Variants in PPP1R13L observed in about 807,000 individuals in gnomAD.
PPP1R13L encodes protein phosphatase 1 regulatory subunit 13 like.
In PPP1R13L, 50 loss-of-function variants were observed where a neutral mutation model predicts 80.9. That is an observed-to-expected ratio of 0.62 (90% CI 0.49 to 0.78). PPP1R13L has a LOEUF of 0.78. Ranked by LOEUF, PPP1R13L falls within the 30% of genes least tolerant of loss-of-function variation. The probability of loss-of-function intolerance (pLI) is 0.00; values close to 1 mark genes in which losing one functional copy is unlikely to be tolerated. For synonymous variants in PPP1R13L, 602 were observed against 534.3 expected, an observed-to-expected ratio of 1.13 and a Z score of -1.75; for missense variants, 1,200 against 1,205.9, an observed-to-expected ratio of 1.00 and a Z score of 0.07.
At position 45,386,392 on chromosome 19, in the gene PPP1R13L, C is replaced by A. The variant is rs2070830; in HGVS notation, c.1816-212G>T. On this transcript the variant is annotated intron_variant, in intron 8 of 12. Transcript: ENST00000360957. ...ACAGGGAATCCTGTGATTTGAGAAT[C>A]TTGGGCCCTGAAACTTGGGAGAAAG... Among the ~76,000 whole-genome samples, 3,551 of 152,220 alleles carry A rather than the reference C, an allele frequency of 0.023. 239 individuals carry two copies. The East Asian group carries it at 0.25, about 11-fold the overall frequency.
intron 11 of PPP1R13L, among the ~76,000 whole-genome samples, chr19:45,385,075 G>A (rs935576474): frequency 2.6e-5 from 4 of 151,716 alleles, no homozygotes; most frequent in Middle Eastern, 3.4e-3. Context: ...AGCCTACTTC[G>A]CCCTGCCCGT....
At chr19:45,393,678 T>A (rs890184221) in intron 7 of PPP1R13L, among the ~76,000 whole-genome samples, 32 of 151,834 alleles carry the variant, frequency 2.1e-4, no homozygotes, top group African/African-American at 7.3e-4. Context: ...ATCGAGACCA[T>A]CCTGGCTAAC....
At position 45,404,551 on chromosome 19, in the gene PPP1R13L, A is replaced by G. The variant is rs1436520018; in HGVS notation, c.-22+448T>C. Among the ~76,000 whole-genome samples the G allele has an allele frequency of 3.9e-5, 6 of 152,226 alleles. No individual in the cohort carries two copies. In the East Asian group the frequency reaches 9.7e-4, roughly 25 times the overall value. ...CCACTTCAGGAACCCAGGCTCCACT[A>G]TCCCTGCCCCACCCTTAATTCTGCT... is the stretch of plus-strand genomic sequence containing the variant. On this transcript the variant is annotated intron_variant, in intron 1 of 12. Coordinates refer to ENST00000360957, the MANE Select transcript of PPP1R13L (RefSeq NM_006663.4).
chr19:45,396,436 T>C lies in PPP1R13L; in HGVS notation c.713A>G (p.Asp238Gly). ...AGGCCGCCGGCGCAGCGTCAGGTCG[T>C]CTGGGGAGAAGTTTCCAGGGAGGAT... ...SAFAPPLRAQ[D>G]DLTLRRRPPK... Residue 238 changes from aspartate to glycine, a missense_variant and splice_region_variant, in exon 5 of 13, where the codon GAC becomes GGC. Transcript: ENST00000360957. The surrounding 1 kb of genome is among the most constrained non-coding windows in gnomAD (Gnocchi z 5.3). The C allele has an allele frequency of 3.7e-6, 6 of 1,613,958 alleles. No individual in the cohort carries two copies. Among genetic ancestry groups the C allele is most frequent in the Non-Finnish European group, 5.1e-6 (6 of 1,179,954 alleles).
rs772199634 is a variant in PPP1R13L, at chr19:45,386,096, C to T, written c.1900G>A (p.Ala634Thr). The T allele has an allele frequency of 6.3e-7, 1 of 1,578,454 alleles. No homozygotes were observed. Residue 634 changes from alanine (A) to threonine (T), a missense_variant, in exon 9 of 13, where the codon GCG becomes ACG. Ala to Thr is a moderately conservative substitution (Grantham distance 58). This residue lies in a region of PPP1R13L where 214 missense variants were observed against 199.6 expected (regional missense o/e 1.07). Coordinates refer to ENST00000360957, the MANE Select transcript of PPP1R13L (RefSeq NM_006663.4). ...RLNPLVLLLD[A>T]ALTGELEVVQ... Reference sequence around the variant, plus strand: ...ACCTCCAGCTCCCCGGTCAGCGCCGCGTCCAGGAGGAGCACCAGAGGGTTG... The same window carrying T: ...ACCTCCAGCTCCCCGGTCAGCGCCGTGTCCAGGAGGAGCACCAGAGGGTTG...
intron 8 of PPP1R13L, among the ~76,000 whole-genome samples, chr19:45,388,819 C>A (rs1006011572): frequency 3.9e-5 from 6 of 151,920 alleles, no homozygotes; most frequent in Non-Finnish European, 8.8e-5. Context: ...CTCACTGCAG[C>A]CTCTGTCTCC....
At chr19:45,390,254 T>C (rs973312838) in intron 8 of PPP1R13L, among the ~76,000 whole-genome samples, 1 of 152,138 alleles carries the variant, frequency 6.6e-6, no homozygotes, top group Non-Finnish European at 1.5e-5. Context: ...ACTTCTCCTG[T>C]TGTCCTTCCC....
In PPP1R13L at chr19:45,400,986, C is replaced by T. The variant is rs1477832427; in HGVS notation, c.-21-2647G>A. 4.9e-5 allele frequency among the ~76,000 whole-genome samples: 2 copies of T among 40,824 alleles called. 1 individual carries two copies. The allele number at this position is 40,824 out of a possible 152,430, so 26.8% of individuals were successfully genotyped here. A position where few individuals can be genotyped will look rare whatever the true frequency, so the allele number is the denominator to read the frequency against. On this transcript the variant is annotated intron_variant, in intron 1 of 12. Transcript: ENST00000360957. Reference sequence around the variant, plus strand: ...AGAGACGGGGTTTCACCATTTTAGCCGGGATGGTCTCGATCTCCTGACCTC... The same window carrying T: ...AGAGACGGGGTTTCACCATTTTAGCTGGGATGGTCTCGATCTCCTGACCTC...
Position 45,388,212 on chromosome 19 carries a change from T to C in PPP1R13L, c.1816-2032A>G, listed in dbSNP as rs191156844. ...AAAGACTAGAAGGAAATATTCAAAA[T>C]GTTAATGATGGTTCCCTGTGAGTGG... On this transcript the variant is annotated intron_variant, in intron 8 of 12. Transcript: ENST00000360957. 1.2e-3 allele frequency among the ~76,000 whole-genome samples: 175 copies of C among 151,972 alleles called. 1 individual carries two copies. The highest frequency in any genetic ancestry group is 4.2e-3 in the African/African-American group (172 of 41,442).
intron 11 of PPP1R13L, among the ~76,000 whole-genome samples, chr19:45,383,768 C>A (rs537620561): frequency 1.3e-5 from 2 of 151,546 alleles, no homozygotes; most frequent in African/African-American, 4.8e-5. Context: ...CTTTTCTTTT[C>A]TTTTCTTTTT....
intron 7 of PPP1R13L, chr19:45,394,518 C>T (rs1973041153): frequency 6.6e-6 from 1 of 152,078 alleles, no homozygotes; most frequent in Admixed American, 6.6e-5. Flanking sequence ...GAGTCTCACC[C>T]TGTCACCTGT....
Position 45,392,137 on chromosome 19 carries a change from G to GCCCC in PPP1R13L, c.1557_1558insGGGG (p.Pro520GlyfsTer53). On this transcript the variant is annotated frameshift_variant, in exon 8 of 13. Coordinates refer to ENST00000360957, the MANE Select transcript of PPP1R13L (RefSeq NM_006663.4). LOFTEE classifies it high-confidence loss of function. ...TCCATGGAGCCCCTGCGTTTGAGGG[G>GCCCC]CCGGGGAATTTCCGCCAACACCCGT... The GCCCC allele has an allele frequency of 6.3e-7, 1 of 1,576,958 alleles. No individual in the cohort carries two copies. Among genetic ancestry groups the GCCCC allele is most frequent in the East Asian group, 2.2e-5 (1 of 44,518 alleles).
intron 12 of PPP1R13L, 119 bp from the exon 13 acceptor site, chr19:45,380,347 A>G (rs2123340188): frequency 8.8e-7 from 1 of 1,142,200 alleles, no homozygotes. Context: ...GCACCTCCCA[A>G]ACTGCTCCAG....
chr19:45,385,851 T>C lies in PPP1R13L; in HGVS notation c.2054A>G (p.Asn685Ser), dbSNP rs758134664. ...IVDFLITAGA[N>S]VNSPDSHGWT... is the part of the protein sequence containing the mutation. ...GCCGTGGCTGTCGGGGGAGTTGACA[T>C]TGGCACCCGCGGTGATGAGGAAATC... Residue 685 changes from asparagine (N) to serine (S), a missense_variant, in exon 10 of 13, where the codon AAT becomes AGT. By Grantham distance (46) the Asn-to-Ser change is conservative (BLOSUM62 1). Around this residue, in one of 5 missense-constraint regions of PPP1R13L, gnomAD observed 214 missense variants for 199.6 expected, o/e 1.07. Transcript: ENST00000360957. 17 of 1,611,158 alleles carry C rather than the reference T, an allele frequency of 1.1e-5. No individual in the cohort carries two copies. The East Asian group carries it at 2.2e-4, about 21-fold the overall frequency.
Position 45,380,084 on chromosome 19 carries a change from G to T in PPP1R13L, c.*106C>A. The T allele has an allele frequency of 7.9e-7, 1 of 1,273,822 alleles. No homozygotes were observed. The highest frequency in any genetic ancestry group is 1.1e-6 in the Non-Finnish European group (1 of 890,382). The allele number at this position is 1,273,822 out of a possible 1,614,324, so 78.9% of individuals were successfully genotyped here. ...GAACCGGTGGCAAGGACCACCACCAGCAGGGTGAGGGGTGCAGATAAAGGC... is the reference window on the plus strand; with the variant it reads ...GAACCGGTGGCAAGGACCACCACCATCAGGGTGAGGGGTGCAGATAAAGGC... On this transcript the variant is annotated 3_prime_UTR_variant, in exon 13 of 13. Transcript: ENST00000360957.
At position 45,396,979 on chromosome 19, in the gene PPP1R13L, G is replaced by A; in HGVS notation, c.278C>T (p.Ala93Val). 1 of 1,388,152 alleles carries A rather than the reference G, an allele frequency of 7.2e-7. No homozygotes were observed. The allele number at this position is 1,388,152 out of a possible 1,614,324, so 86.0% of individuals were successfully genotyped here. ...CTCTGATCGTCCGAACGGGGTGTCT[G>A]CGCCGTCGGTGGCCGCCTTCCGGGG... ...GSPRKAATDGADTPFGRSESA... is the reference protein window; with the variant it reads ...GSPRKAATDGVDTPFGRSESA... The change falls in exon 4 of 13, where the codon GCA (alanine) becomes GTA (valine). Residue 93 changes from alanine to valine, a missense_variant. Around this residue, in one of 5 missense-constraint regions of PPP1R13L, gnomAD observed 764 missense variants for 714.5 expected, o/e 1.07. Coordinates refer to ENST00000360957, the MANE Select transcript of PPP1R13L (RefSeq NM_006663.4). The surrounding 1 kb of genome is among the most constrained non-coding windows in gnomAD (Gnocchi z 5.3).
At chr19:45,381,021 G>T (rs1312847130) in intron 12 of PPP1R13L, among the ~76,000 whole-genome samples, 1 of 147,210 alleles carries the variant, frequency 6.8e-6, no homozygotes, top group Non-Finnish European at 1.5e-5. Context: ...CTCTCCATCT[G>T]TTATATTATA....
At position 45,382,825 on chromosome 19, in the gene PPP1R13L, G is replaced by T. The variant is rs368307079; in HGVS notation, c.2249-99C>A. On this transcript the variant is annotated intron_variant, in intron 11 of 12. Coordinates refer to ENST00000360957, the MANE Select transcript of PPP1R13L (RefSeq NM_006663.4). ...GGACAGACCCTGGAATTTGGCGCCT[G>T]TCCCAGCAACCACCTGAAATGTTGT... 1.1e-5 allele frequency: 12 copies of T among 1,119,710 alleles called. No homozygotes were observed. The South Asian group carries it at 1.6e-4, about 15-fold the overall frequency. 69.4% of individuals were successfully genotyped at this position (1,119,710 alleles called of 1,614,324 possible). A position where few individuals can be genotyped will look rare whatever the true frequency, so the allele number is the denominator to read the frequency against.
In PPP1R13L at chr19:45,391,966, C is replaced by T; in HGVS notation, c.1729G>A (p.Ala577Thr). 2 of 1,518,952 alleles carry T rather than the reference C, an allele frequency of 1.3e-6. No homozygotes were observed. The highest frequency in any genetic ancestry group is 1.8e-6 in the Non-Finnish European group (2 of 1,135,494). 94.1% of individuals were successfully genotyped at this position (1,518,952 alleles called of 1,614,324 possible). ...SPITEGSEAR[A>T]GPPAPAPPAP... ...GGTGGGGCAGGAGCAGGGGGCCCTG[C>T]CCTGGCCTCAGATCCCTCAGTGATG... The change falls in exon 8 of 13, where the codon GCA (alanine) becomes ACA (threonine). Residue 577 changes from alanine (A) to threonine (T), a missense_variant. Coordinates refer to ENST00000360957, the MANE Select transcript of PPP1R13L (RefSeq NM_006663.4).
Sources: allele counts gnomAD v4.1 joint callset (sites outside exome capture counted in the v4.1 genomes callset), GRCh38; gene constraint gnomAD v4.1.1; regional missense constraint gnomAD v4.1.1; non-coding constraint Gnocchi (gnomAD v3.1); transcripts MANE v1.5; gene names NCBI Gene and HGNC (gene_info 2026-07-23, HGNC 2026-07-21).